ZNF536: variants seen among roughly 807,000 people sequenced by gnomAD.
The protein encoded by ZNF536 is zinc finger protein 536.
Under a neutral mutation model 84.5 loss-of-function variants are expected in ZNF536, and 13 were observed. That is an observed-to-expected ratio of 0.15 (90% CI 0.10 to 0.24). The LOEUF (loss-of-function observed/expected upper bound fraction) is 0.24, where lower values mean the gene tolerates loss of function less well. ZNF536 is among the 10% of genes least tolerant of loss of function. The pLI is 1.00. For synonymous variants in ZNF536, 811 were observed against 742.5 expected, an observed-to-expected ratio of 1.09 and a Z score of -1.50; for missense variants, 1,536 against 1,747.5, an observed-to-expected ratio of 0.88 and a Z score of 2.16.
rs79241224 is a variant in ZNF536 at position 30,636,760 on chromosome 19, T to G, written c.170-73997T>G. ...GTCATACTCCTAACTCCAAGCTTCA[T>G]GTAGAGTGGGATCATTTTCTGGACC... On this transcript the variant is annotated intron_variant, in intron 1 of 1. Coordinates refer to the ZNF536 transcript ENST00000592773. Among the ~76,000 whole-genome samples the G allele has an allele frequency of 9.1e-3, 1,379 of 152,264 alleles. 23 individuals are homozygous for G. The highest frequency in any genetic ancestry group is 0.031 in the African/African-American group (1,304 of 41,558).
chr19:30,598,692 A>T (rs1389747390), intron 1 of ZNF536, among the ~76,000 whole-genome samples: 1 of 152,058 alleles, frequency 6.6e-6, no homozygotes, highest in Non-Finnish European at 1.5e-5. Context: ...TACCCCATGG[A>T]ACATTATTTT....
chr19:30,642,226 A>G (rs2049292909), intron 1 of ZNF536, among the ~76,000 whole-genome samples: 1 of 152,178 alleles, frequency 6.6e-6, no homozygotes, highest in Admixed American at 6.5e-5. Flanking sequence ...TTTCCTAAGT[A>G]ATCTTCAGCT....
intron 2 of ZNF536, among the ~76,000 whole-genome samples, chr19:30,528,610 G>A (rs2044683621): frequency 6.6e-6 from 1 of 152,154 alleles, no homozygotes. Context: ...CATCCATCTG[G>A]TGACTCAGTG....
chr19:30,381,928 G>A (rs938976626), intron 1 of ZNF536, among the ~76,000 whole-genome samples: 1 of 152,174 alleles, frequency 6.6e-6, no homozygotes, highest in Non-Finnish European at 1.5e-5. Flanking sequence ...CATGAAGTTT[G>A]CTACAGGGGA....
At chr19:30,608,564 C>T (rs971629162) in intron 1 of ZNF536, among the ~76,000 whole-genome samples, 1 of 152,162 alleles carries the variant, frequency 6.6e-6, no homozygotes, top group Non-Finnish European at 1.5e-5. Context: ...CTACCTGATT[C>T]CAGTCTGGGA....
intron 1 of ZNF536, among the ~76,000 whole-genome samples, chr19:30,247,300 A>G (rs1019151402): frequency 2.4e-4 from 37 of 152,202 alleles, no homozygotes; most frequent in African/African-American, 8.9e-4. Flanking sequence ...TGGGTACTTT[A>G]TTACCTACAT....
At chr19:30,481,712 G>A (rs1237980888) in intron 2 of ZNF536, among the ~76,000 whole-genome samples, 2 of 152,004 alleles carry the variant, frequency 1.3e-5, no homozygotes, top group Non-Finnish European at 2.9e-5. Context: ...GGAACGGGTG[G>A]CTTTTGGTAA....
intron 2 of ZNF536, among the ~76,000 whole-genome samples, chr19:30,514,697 T>C (rs112595450): frequency 0.013 from 2,028 of 152,118 alleles, 26 homozygotes; most frequent in Non-Finnish European, 0.022. Flanking sequence ...CTCCAGGCTG[T>C]GCTTCCATGC....
upstream of ZNF536, among the ~76,000 whole-genome samples, chr19:30,227,691 G>A (rs965326733): frequency 2.6e-5 from 4 of 151,852 alleles, no homozygotes; most frequent in Non-Finnish European, 5.9e-5. Flanking sequence ...GGCGGAGTGA[G>A]CGAGCGCGCG....
intron 1 of ZNF536, among the ~76,000 whole-genome samples, chr19:30,384,619 A>G (rs930610857): frequency 1.3e-5 from 2 of 151,830 alleles, no homozygotes; most frequent in African/African-American, 2.4e-5. Flanking sequence ...CCTGCATTGG[A>G]TGGAAACCAG....
chr19:30,509,195 G>T lies in ZNF536; in HGVS notation c.2171-25652G>T, dbSNP rs538552168. 3.4e-5 allele frequency among the ~76,000 whole-genome samples: 5 copies of T among 146,818 alleles called. 1 individual carries two copies. In the South Asian group the frequency reaches 1.1e-3, roughly 32 times the overall value. On this transcript the variant is annotated intron_variant, in intron 2 of 4. Transcript: ENST00000355537. ...TTCCAAAAGTAACTGAACCAAGAAG[G>T]CCAGAGGGACAAAACTTGCAAATCG...
At chr19:30,516,771 C>T (rs2044093570) in intron 2 of ZNF536, among the ~76,000 whole-genome samples, 2 of 152,158 alleles carry the variant, frequency 1.3e-5, no homozygotes, top group Non-Finnish European at 2.9e-5. Context: ...GGTTTAGAGA[C>T]GGAGTGTGCC....
chr19:30,522,282 T>TATATGTATATATATATATATATATAC (rs2044388024), intron 2 of ZNF536, among the ~76,000 whole-genome samples: 1 of 89,768 alleles, frequency 1.1e-5, no homozygotes, highest in Admixed American at 1.3e-4. Flanking sequence ...TACATATATA[T>TATATGTATATATATATATATATATAC]AATATATATA....
chr19:30,291,397 GT>G (rs2045837278), intron 2 of ZNF536, among the ~76,000 whole-genome samples: 1 of 152,118 alleles, frequency 6.6e-6, no homozygotes. Flanking sequence ...GTATGAGATG[GT>G]ATCTCTTCGT....
At chr19:30,434,018 C>T (rs569609996) in intron 1 of ZNF536, among the ~76,000 whole-genome samples, 14 of 152,316 alleles carry the variant, frequency 9.2e-5, no homozygotes, top group Admixed American at 8.5e-4. Flanking sequence ...AATAGGACAG[C>T]CTATCAGTCT....
chr19:30,468,784 C>G (rs1253423768), intron 2 of ZNF536, among the ~76,000 whole-genome samples: 1 of 152,070 alleles, frequency 6.6e-6, no homozygotes, highest in African/African-American at 2.4e-5. Context: ...CCCATCGACA[C>G]CTAGGCAGAG....
intron 2 of ZNF536, among the ~76,000 whole-genome samples, chr19:30,299,895 G>A (rs992114528): frequency 1.3e-5 from 2 of 151,976 alleles, no homozygotes; most frequent in Non-Finnish European, 2.9e-5. Context: ...TATCAAAAAA[G>A]CCTTTTTTGA....
At chr19:30,392,063 C>T (rs746475609) in intron 1 of ZNF536, among the ~76,000 whole-genome samples, 17 of 152,098 alleles carry the variant, frequency 1.1e-4, no homozygotes, top group African/African-American at 2.2e-4. Context: ...CTCGGATGTC[C>T]GGAGCTGGGG....
At chr19:30,704,711 G>T (rs1233686322) in intron 1 of ZNF536, among the ~76,000 whole-genome samples, 2 of 147,656 alleles carry the variant, frequency 1.4e-5, no homozygotes, top group African/African-American at 5.0e-5. Context: ...GGGCTGCCTT[G>T]TCACCTCTGG....
Sources: allele counts gnomAD v4.1 joint callset (sites outside exome capture counted in the v4.1 genomes callset), GRCh38; gene constraint gnomAD v4.1.1; transcripts MANE v1.5; gene names NCBI Gene and HGNC (gene_info 2026-07-23, HGNC 2026-07-21).